TCF3: variants seen among roughly 807,000 people sequenced by gnomAD.
The protein encoded by TCF3 is transcription factor 3.
A neutral mutation model predicts 72.3 loss-of-function variants in TCF3; 54 were observed. The observed-to-expected ratio is 0.75, with a 90% CI of 0.60 to 0.94. The LOEUF is 0.94. TCF3 is among the 40% of genes least tolerant of loss of function. The pLI is 0.00. For missense variants in TCF3, 1,078 were observed against 934.4 expected, an observed-to-expected ratio of 1.15 and a Z score of -2.00; for synonymous variants, 525 against 412.6, an observed-to-expected ratio of 1.27 and a Z score of -3.30.
At chr19:1,612,078 G>C in intron 18 of TCF3, 1 of 988,768 alleles carries the variant, frequency 1.0e-6, no homozygotes, top group South Asian at 1.7e-5. Context: ...ACATCACTGG[G>C]TCTGAGTCCA....
rs983730155 is a variant in TCF3, at chr19:1,623,957, T to C, written c.543A>G (p.Pro181=). ...TCTCCCTCGTGCGACTCACCGAGGATGGAAGACCCGGCGGGACCTTCCGGA... is the reference window on the plus strand; with the variant it reads ...TCTCCCTCGTGCGACTCACCGAGGACGGAAGACCCGGCGGGACCTTCCGGA... The part of the protein sequence containing the change: ...KKVRKVPPGL[P]SSVYPPSSGE... The change falls in exon 8 of 19, where the codon CCA becomes CCG. Residue 181 remains proline, a synonymous_variant. Transcript: ENST00000262965. The C allele has an allele frequency of 3.1e-6, 5 of 1,613,138 alleles. No homozygotes were observed. The African/African-American group carries it at 4.0e-5, about 13-fold the overall frequency.
At position 1,609,539 on chromosome 19, in the gene TCF3, C is replaced by T. The variant is rs2060844683; in HGVS notation, c.*2168G>A. On this transcript the variant is annotated 3_prime_UTR_variant, in exon 19 of 19. Transcript: ENST00000262965. ...CTTCCTCCTCGCGCTGGGTGAATCT[C>T]GTTTGAATTCTATGCAGAACGCACA... The T allele has an allele frequency of 4.6e-6, 1 of 217,264 alleles. No homozygotes were observed. Among genetic ancestry groups the T allele is most frequent in the Non-Finnish European group, 9.2e-6 (1 of 108,272 alleles). 13.5% of individuals were successfully genotyped at this position (217,264 alleles called of 1,614,324 possible). A position where few individuals can be genotyped will look rare whatever the true frequency, so the allele number is the denominator to read the frequency against.
At chr19:1,636,339 T>C (rs565430957) in intron 3 of TCF3, among the ~76,000 whole-genome samples, 1 of 152,240 alleles carries the variant, frequency 6.6e-6, no homozygotes, top group South Asian at 2.1e-4. Flanking sequence ...TTTGTATTTT[T>C]AGTAGAGACG....
At position 1,609,409 on chromosome 19, in the gene TCF3, C is replaced by T. The variant is rs374144001; in HGVS notation, c.*2298G>A. 5.3e-5 allele frequency: 11 copies of T among 208,066 alleles called. No individual in the cohort carries two copies. The South Asian group carries it at 1.1e-3, about 21-fold the overall frequency. The allele number at this position is 208,066 out of a possible 1,614,324, so 12.9% of individuals were successfully genotyped here. On this transcript the variant is annotated 3_prime_UTR_variant, in exon 19 of 19. Coordinates refer to ENST00000262965, the MANE Select transcript of TCF3 (RefSeq NM_003200.5). ...AATCATCCAGCCAGCTGTGTTGACA[C>T]GTATACAATTATTTTCTTTAAAAAA...
At chr19:1,633,050 T>C (rs1343425601) in intron 3 of TCF3, among the ~76,000 whole-genome samples, 2 of 149,472 alleles carry the variant, frequency 1.3e-5, no homozygotes, top group Admixed American at 6.6e-5. Flanking sequence ...GGGGCAGGAG[T>C]TCCCGGCGCA....
intron 18 of TCF3, chr19:1,612,552 G>T: frequency 1.0e-6 from 1 of 972,938 alleles, no homozygotes; most frequent in Admixed American, 2.2e-5. Flanking sequence ...GCAGCAGTGT[G>T]GGTACACGGC....
rs1052736 is a variant in TCF3 at position 1,615,483 on chromosome 19, G to T, written c.1624C>A (p.Gln542Lys). ...CGCTCCTTCTCCCGCTCGGCCTTCT[G>T]CTCTGGGGGGAGAAGGTCGTCCTCG... ...EDEDDLLPPE[Q>K]KAEREKERRV... The change falls in exon 18 of 19, where the codon CAG (glutamine) becomes AAG (lysine). Residue 542 changes from glutamine to lysine, a missense_variant. Physicochemically the swap from Gln to Lys is moderately conservative, Grantham distance 53. Coordinates refer to ENST00000262965, the MANE Select transcript of TCF3 (RefSeq NM_003200.5). The surrounding 1 kb of genome is among the most constrained non-coding windows in gnomAD (Gnocchi z 7.3). 1 of 1,611,136 alleles carries T rather than the reference G, an allele frequency of 6.2e-7. No individual in the cohort carries two copies. The highest frequency in any genetic ancestry group is 8.5e-7 in the Non-Finnish European group (1 of 1,179,900).
At position 1,611,091 on chromosome 19, in the gene TCF3, T is replaced by C. The variant is rs560006396; in HGVS notation, c.*616A>G. ...AAAAATTTGTTGCTTACAAAACATA[T>C]GCAAAAAAAGCTTAAAAAAACCAGA... On this transcript the variant is annotated 3_prime_UTR_variant, in exon 19 of 19. Transcript: ENST00000262965. 36 of 231,620 alleles carry C rather than the reference T, an allele frequency of 1.6e-4. No individual in the cohort carries two copies. The Admixed American group carries it at 1.6e-3, about 11-fold the overall frequency. The allele number at this position is 231,620 out of a possible 1,614,324, so 14.3% of individuals were successfully genotyped here.
chr19:1,641,722 G>T (rs1327573197), intron 3 of TCF3, among the ~76,000 whole-genome samples: 1 of 151,984 alleles, frequency 6.6e-6, no homozygotes, highest in African/African-American at 2.4e-5. Context: ...CAAAATGCTG[G>T]GATTATAGGT....
At chr19:1,647,549 G>T (rs565088074) in intron 2 of TCF3, among the ~76,000 whole-genome samples, 4 of 152,208 alleles carry the variant, frequency 2.6e-5, no homozygotes, top group Non-Finnish European at 4.4e-5. Context: ...GAGGAAGAAC[G>T]GTCTTGCGGG....
In TCF3 at chr19:1,610,688, C is replaced by T; in HGVS notation, c.*1019G>A. On this transcript the variant is annotated 3_prime_UTR_variant, in exon 19 of 19. Transcript: ENST00000262965. ...TTGTGTAGGGTAGCCCTGGGGGCCA[C>T]AGCTGCTTGGCAGAGTCACCTGGGA... 4.3e-6 allele frequency: 1 copy of T among 230,878 alleles called. No individual in the cohort carries two copies. The highest frequency in any genetic ancestry group is 1.8e-4 in the South Asian group (1 of 5,508). The allele number at this position is 230,878 out of a possible 1,614,324, so 14.3% of individuals were successfully genotyped here. A position where few individuals can be genotyped will look rare whatever the true frequency, so the allele number is the denominator to read the frequency against.
At chr19:1,645,804 T>C (rs1160522544) in intron 3 of TCF3, among the ~76,000 whole-genome samples, 1 of 152,160 alleles carries the variant, frequency 6.6e-6, no homozygotes, top group Non-Finnish European at 1.5e-5. Flanking sequence ...GTTTCTGCTT[T>C]GAGCACTCAA....
At chr19:1,612,582 AGT>A in intron 18 of TCF3, 4 of 727,714 alleles carry the variant, frequency 5.5e-6, no homozygotes, top group Non-Finnish European at 6.8e-6. Flanking sequence ...TGGGCACAGC[AGT>A]GTGGGCAGCA....
At chr19:1,632,944 G>A (rs555316019) in intron 3 of TCF3, among the ~76,000 whole-genome samples, 125 of 152,362 alleles carry the variant, frequency 8.2e-4, no homozygotes, top group Non-Finnish European at 1.5e-3. Context: ...CAGCAGCAGA[G>A]GCTCACCCAT....
At chr19:1,646,643 G>A (rs927964922) in intron 2 of TCF3, among the ~76,000 whole-genome samples, 3 of 152,122 alleles carry the variant, frequency 2.0e-5, no homozygotes, top group East Asian at 3.9e-4. Context: ...GGACACCCAC[G>A]CCCAGAGTGA....
intron 1 of TCF3, chr19:1,651,365 T>C (rs2067013699): frequency 4.4e-6 from 1 of 226,530 alleles, no homozygotes; most frequent in Non-Finnish European, 8.8e-6. Flanking sequence ...GTCTGCCAAC[T>C]GGAGGCCGGG....
At position 1,613,276 on chromosome 19, in the gene TCF3, T is replaced by C. The variant is rs867322106; in HGVS notation, c.1823-1427A>G. Among the ~76,000 whole-genome samples, 5 of 152,124 alleles carry C rather than the reference T, an allele frequency of 3.3e-5. No individual in the cohort carries two copies. In the East Asian group the frequency reaches 9.6e-4, roughly 29 times the overall value. ...GTGTGTACGCGACTGGCTGCCCAGG[T>C]GCAAGTGCCCTCAGACTCAGCTCTA... On this transcript the variant is annotated intron_variant, in intron 18 of 18. Coordinates refer to ENST00000262965, the MANE Select transcript of TCF3 (RefSeq NM_003200.5).
At chr19:1,642,658 G>A (rs2065505784) in intron 3 of TCF3, among the ~76,000 whole-genome samples, 1 of 152,166 alleles carries the variant, frequency 6.6e-6, no homozygotes, top group Non-Finnish European at 1.5e-5. Context: ...AAATGAGACA[G>A]GCCGTGCTGT....
chr19:1,651,543 G>A (rs2067060569), intron 1 of TCF3, among the ~76,000 whole-genome samples: 1 of 152,240 alleles, frequency 6.6e-6, no homozygotes, highest in African/African-American at 2.4e-5. Flanking sequence ...GCTAAAACGG[G>A]CATTCTACGG....
Sources: allele counts gnomAD v4.1 joint callset (sites outside exome capture counted in the v4.1 genomes callset), GRCh38; gene constraint gnomAD v4.1.1; non-coding constraint Gnocchi (gnomAD v3.1); transcripts MANE v1.5; gene names NCBI Gene and HGNC (gene_info 2026-07-23, HGNC 2026-07-21).